Variants in ANOS1 observed in about 807,000 individuals in gnomAD.
ANOS1 encodes anosmin 1, also known as anosmin-1.
A neutral mutation model predicts 59.0 loss-of-function variants in ANOS1; 6 were observed. That is an observed-to-expected ratio of 0.10 (90% CI 0.06 to 0.20). The LOEUF is 0.20. Ranked by LOEUF, ANOS1 falls within the 10% of genes least tolerant of loss-of-function variation. ANOS1 has a pLI of 1.00. For synonymous variants in ANOS1, 217 were observed against 223.4 expected (o/e 0.97, Z 0.25); for missense variants, 433 against 542.3 (o/e 0.80, Z 2.00).
Position 8,536,984 on chromosome X carries a change from T to A in ANOS1, c.1450-42A>T, listed in dbSNP as rs1382940184. On this transcript the variant is annotated intron_variant, in intron 10 of 13. Transcript: ENST00000262648. The stretch of plus-strand genomic sequence containing the variant: ...AGAATTATGCTAGCAATAAATCTCA[T>A]TAGGGATTAAAAAACACTGGCAAGA... 8 of 1,082,900 alleles carry A rather than the reference T, an allele frequency of 7.4e-6. No individual in the cohort carries two copies. The East Asian group carries it at 2.4e-4, about 33-fold the overall frequency. 89.2% of individuals were successfully genotyped at this position (1,082,900 alleles called of 1,213,427 possible). A position where few individuals can be genotyped will look rare whatever the true frequency, so the allele number is the denominator to read the frequency against.
Sources: allele counts gnomAD v4.1 joint callset, GRCh38; gene constraint gnomAD v4.1.1; transcripts MANE v1.5; gene names NCBI Gene and HGNC (gene_info 2026-07-23, HGNC 2026-07-21).